XYLT1: variants seen among roughly 807,000 people sequenced by gnomAD.
XYLT1 encodes the protein beta-D-xylosyltransferase 1.
A neutral mutation model predicts 91.3 loss-of-function variants in XYLT1; 36 were observed. The ratio of observed to expected loss-of-function variants is 0.39; its 90% confidence interval spans 0.30 to 0.52. The LOEUF (loss-of-function observed/expected upper bound fraction) is 0.52, where lower values mean the gene tolerates loss of function less well. Among genes scored for constraint, XYLT1 ranks in the 20% least tolerant of loss-of-function variants. The pLI, the probability that XYLT1 is intolerant of heterozygous loss-of-function variation, is 0.68. For missense variants in XYLT1, 1,242 were observed against 1,284.5 expected, an observed-to-expected ratio of 0.97 and a Z score of 0.51; for synonymous variants, 588 against 532.0, an observed-to-expected ratio of 1.11 and a Z score of -1.45.
chr16:17,349,779 T>C (rs2035194686), intron 2 of XYLT1, among the ~76,000 whole-genome samples: 1 of 152,004 alleles, frequency 6.6e-6, no homozygotes, highest in Non-Finnish European at 1.5e-5. Flanking sequence ...GCTTAATTCA[T>C]GTTACATAAA....
chr16:17,389,473 GA>G (rs1014268819), intron 1 of XYLT1, among the ~76,000 whole-genome samples: 2 of 152,198 alleles, frequency 1.3e-5, no homozygotes, highest in African/African-American at 4.8e-5. Flanking sequence ...GTAAGAGGCA[GA>G]AGGTTGAGAA....
In XYLT1 at chr16:17,295,384, C is replaced by T. The variant is rs556431985; in HGVS notation, c.403-35886G>A. On this transcript the variant is annotated intron_variant, in intron 2 of 11. Coordinates refer to ENST00000261381, the MANE Select transcript of XYLT1 (RefSeq NM_022166.4). The stretch of plus-strand genomic sequence containing the variant: ...TTTGTTTTGTTTTTGGAGACAGATT[C>T]TTGCCCTGTCACACAGGCTGGAGTG... 1.8e-4 allele frequency among the ~76,000 whole-genome samples: 27 copies of T among 151,806 alleles called. No individual in the cohort carries two copies. In the East Asian group the frequency reaches 4.3e-3, roughly 24 times the overall value.
chr16:17,421,732 A>G (rs990899247), intron 1 of XYLT1, among the ~76,000 whole-genome samples: 2 of 152,242 alleles, frequency 1.3e-5, no homozygotes, highest in Non-Finnish European at 2.9e-5. Context: ...CAAACCTCCC[A>G]GCAGAGCCCT....
rs368257496 is a variant in XYLT1, at chr16:17,329,387, T to C, written c.402+28625A>G. The stretch of plus-strand genomic sequence containing the variant: ...ATTGCTGCGTAACTGTAAACATCAA[T>C]TGGAAAACATAGTAGATATTTGATA... On this transcript the variant is annotated intron_variant, in intron 2 of 11. Transcript: ENST00000261381. Among the ~76,000 whole-genome samples, 8 of 152,236 alleles carry C rather than the reference T, an allele frequency of 5.3e-5. No individual in the cohort carries two copies. In the East Asian group the frequency reaches 9.6e-4, roughly 18 times the overall value.
intron 1 of XYLT1, among the ~76,000 whole-genome samples, chr16:17,375,135 A>T (rs1197058191): frequency 6.6e-6 from 1 of 152,186 alleles, no homozygotes; most frequent in African/African-American, 2.4e-5. Flanking sequence ...GCAGAGACCA[A>T]GATTCAAGTT....
intron 1 of XYLT1, among the ~76,000 whole-genome samples, chr16:17,361,311 C>T (rs555634703): frequency 4.2e-4 from 64 of 152,256 alleles, no homozygotes; most frequent in African/African-American, 1.5e-3. Context: ...CGTGCAGCCA[C>T]GCCCCGCCTA....
chr16:17,377,389 T>C (rs192591883), intron 1 of XYLT1, among the ~76,000 whole-genome samples: 2 of 152,274 alleles, frequency 1.3e-5, no homozygotes, highest in Admixed American at 6.5e-5. Context: ...GACATGGCGA[T>C]AGAGTTCCCA....
At chr16:17,382,861 C>T (rs542454942) in intron 1 of XYLT1, among the ~76,000 whole-genome samples, 1 of 152,002 alleles carries the variant, frequency 6.6e-6, no homozygotes, top group South Asian at 2.1e-4. Flanking sequence ...CTCCCATCCC[C>T]ATTACCCAGG....
chr16:17,310,274 T>C (rs1006000379), intron 2 of XYLT1, among the ~76,000 whole-genome samples: 3 of 152,220 alleles, frequency 2.0e-5, no homozygotes, highest in African/African-American at 7.2e-5. Context: ...TTCCTCTTGC[T>C]AAATTAATCT....
intron 2 of XYLT1, among the ~76,000 whole-genome samples, chr16:17,266,333 G>T (rs1293461313): frequency 6.6e-6 from 1 of 152,180 alleles, no homozygotes; most frequent in Admixed American, 6.5e-5. Flanking sequence ...AGAAGATAGT[G>T]CCTGACACGT....
At chr16:17,232,441 A>AGG (rs2033178696) in intron 3 of XYLT1, among the ~76,000 whole-genome samples, 1 of 121,248 alleles carries the variant, frequency 8.2e-6, no homozygotes, top group African/African-American at 2.8e-5. Flanking sequence ...ATATATATAT[A>AGG]TATATATACA....
At chr16:17,172,171 TTTC>T (rs1298392296) in intron 5 of XYLT1, among the ~76,000 whole-genome samples, 1 of 152,174 alleles carries the variant, frequency 6.6e-6, no homozygotes, top group Non-Finnish European at 1.5e-5. Flanking sequence ...GTGAATTAAA[TTTC>T]TTTTTATTCC....
At chr16:17,242,977 C>T (rs2033370627) in intron 3 of XYLT1, among the ~76,000 whole-genome samples, 1 of 152,224 alleles carries the variant, frequency 6.6e-6, no homozygotes. Context: ...TAGTATTCCA[C>T]TGTATGTGTA....
At chr16:17,296,305 C>T (rs1001366079) in intron 2 of XYLT1, among the ~76,000 whole-genome samples, 2 of 152,144 alleles carry the variant, frequency 1.3e-5, no homozygotes, top group African/African-American at 4.8e-5. Context: ...GCAGGCTCAG[C>T]GCGTTTATCC....
At chr16:17,238,850 T>C (rs2033290758) in intron 3 of XYLT1, among the ~76,000 whole-genome samples, 1 of 152,218 alleles carries the variant, frequency 6.6e-6, no homozygotes, top group African/African-American at 2.4e-5. Flanking sequence ...TATCAACTTT[T>C]CCAAATAAGT....
intron 5 of XYLT1, among the ~76,000 whole-genome samples, chr16:17,177,434 A>C (rs2031970017): frequency 6.6e-6 from 1 of 152,184 alleles, no homozygotes; most frequent in African/African-American, 2.4e-5. Flanking sequence ...TGACAATGTC[A>C]TGAAGATGTC....
chr16:17,189,175 T>C (rs1235699810), intron 5 of XYLT1, among the ~76,000 whole-genome samples: 1 of 152,152 alleles, frequency 6.6e-6, no homozygotes, highest in Non-Finnish European at 1.5e-5. Flanking sequence ...CAGAAGGGGC[T>C]TGGTGTTGAG....
At chr16:17,363,622 C>T (rs1236412776) in intron 1 of XYLT1, among the ~76,000 whole-genome samples, 2 of 152,218 alleles carry the variant, frequency 1.3e-5, no homozygotes, top group Non-Finnish European at 2.9e-5. Context: ...TCACTGCAAC[C>T]TCCGCCTCCT....
At chr16:17,402,145 A>AC in intron 1 of XYLT1, among the ~76,000 whole-genome samples, 1 of 133,268 alleles carries the variant, frequency 7.5e-6, no homozygotes, top group South Asian at 2.3e-4. Flanking sequence ...CAAAAAAAAA[A>AC]AACACACACA....
Sources: gnomAD v4.1 joint callset for allele counts (sites outside exome capture counted in the v4.1 genomes callset) on GRCh38, gnomAD v4.1.1 for gene constraint, MANE v1.5 for transcripts, NCBI Gene and HGNC (gene_info 2026-07-23, HGNC 2026-07-21) for gene names.